ZNF749: variants seen among roughly 807,000 people sequenced by gnomAD.
ZNF749 encodes the protein zinc finger protein 749.
Under a neutral mutation model 7.3 loss-of-function variants are expected in ZNF749, and 8 were observed. That is an observed-to-expected ratio of 1.10 (90% CI 0.64 to 1.98). The LOEUF (loss-of-function observed/expected upper bound fraction) is 1.98, where lower values mean the gene tolerates loss of function less well. ZNF749 is among the 30% of genes most tolerant of loss of function. The pLI, the probability that ZNF749 is intolerant of heterozygous loss-of-function variation, is 0.00. For missense variants in ZNF749, 898 were observed against 932.4 expected (o/e 0.96, Z 0.48); for synonymous variants, 310 against 322.4 (o/e 0.96, Z 0.41).
At position 57,435,499 on chromosome 19, in the gene ZNF749, C is replaced by T. The variant is rs2088925171; in HGVS notation, c.-80C>T. The T allele has an allele frequency of 1.3e-6, 2 of 1,546,466 alleles. No individual in the cohort carries two copies. Among genetic ancestry groups the T allele is most frequent in the African/African-American group, 1.4e-5 (1 of 73,118 alleles). ...GCGGATCGGCTGAGTCGGCTGCAGG[C>T]GCCCCTGCCTCCGTCAGCGTCCAGG... On this transcript the variant is annotated 5_prime_UTR_variant, in exon 1 of 3. Coordinates refer to ENST00000334181, the MANE Select transcript of ZNF749 (RefSeq NM_001023561.4).
At position 57,444,081 on chromosome 19, in the gene ZNF749, T is replaced by C; in HGVS notation, c.933T>C (p.Ala311=). Reference sequence around the variant, plus strand: ...GTGGGAAGGCCTTTCTTACACAGGCTCATCTGGTTGGTCACCAGAAAACCC... The same window carrying C: ...GTGGGAAGGCCTTTCTTACACAGGCCCATCTGGTTGGTCACCAGAAAACCC... The part of the protein sequence containing the change: ...TQCGKAFLTQ[A]HLVGHQKTHT... Residue 311 remains alanine (A), a synonymous_variant, in exon 3 of 3, where the codon GCT becomes GCC. Coordinates refer to ENST00000334181, the MANE Select transcript of ZNF749 (RefSeq NM_001023561.4). The C allele has an allele frequency of 6.2e-7, 1 of 1,614,032 alleles. No individual in the cohort carries two copies. The highest frequency in any genetic ancestry group is 1.3e-5 in the African/African-American group (1 of 75,020).
chr19:57,435,806 C>G, intron 1 of ZNF749: 4 of 1,013,706 alleles, frequency 3.9e-6, no homozygotes, highest in Non-Finnish European at 4.2e-6. Flanking sequence ...GAACGGGCGG[C>G]ACTGGGGAGC....
Position 57,435,467 on chromosome 19 carries a change from C to A in ZNF749, c.-112C>A. The stretch of plus-strand genomic sequence containing the variant: ...AAGCGGTGTTCCTTCTACACAGAGG[C>A]TAGAGTGCGGATCGGCTGAGTCGGC... On this transcript the variant is annotated 5_prime_UTR_variant, in exon 1 of 3. Coordinates refer to ENST00000334181, the MANE Select transcript of ZNF749 (RefSeq NM_001023561.4). 6.8e-7 allele frequency: 1 copy of A among 1,472,396 alleles called. No individual in the cohort carries two copies. The allele number at this position is 1,472,396 out of a possible 1,614,324, so 91.2% of individuals were successfully genotyped here.
rs1352311438 is a variant in ZNF749 at position 57,439,787 on chromosome 19, A to G, written c.16-2098A>G. The stretch of plus-strand genomic sequence containing the variant: ...AATCCAAGCCAAAACAAAAACAAAA[A>G]TACACAAAAAATGTTTCAGAGACTT... On this transcript the variant is annotated intron_variant, in intron 1 of 2. Coordinates refer to ENST00000334181, the MANE Select transcript of ZNF749 (RefSeq NM_001023561.4). This position sits in a 1 kb window ranked among gnomAD's most constrained non-coding sequence, Gnocchi z 4.3. Among the ~76,000 whole-genome samples the G allele has an allele frequency of 6.6e-6, 1 of 152,196 alleles. No homozygotes were observed. Among genetic ancestry groups the G allele is most frequent in the East Asian group, 1.9e-4 (1 of 5,196 alleles).
At chr19:57,441,751 A>C in intron 1 of ZNF749, 134 bp from the exon 2 acceptor site, 1 of 1,041,484 alleles carries the variant, frequency 9.6e-7, no homozygotes, top group Non-Finnish European at 1.5e-6. Context: ...TGGGATCTGG[A>C]TCGCAAGGGA....
upstream of ZNF749, among the ~76,000 whole-genome samples, chr19:57,432,076 G>C (rs1051746528): frequency 6.6e-6 from 1 of 151,892 alleles, no homozygotes; most frequent in Non-Finnish European, 1.5e-5. Flanking sequence ...CAGGTGATCT[G>C]CCTGCCTCGG....
At position 57,443,281 on chromosome 19, in the gene ZNF749, G is replaced by C; in HGVS notation, c.143-10G>C. ...TCACGTGCACTTCACCAGCATTTCT[G>C]TTCTTACAGGTTGTTGGCATGGAGC... is the stretch of plus-strand genomic sequence containing the variant. On this transcript the variant is annotated splice_polypyrimidine_tract_variant and intron_variant, in intron 2 of 2. Coordinates refer to ENST00000334181, the MANE Select transcript of ZNF749 (RefSeq NM_001023561.4). The C allele has an allele frequency of 1.3e-6, 2 of 1,584,648 alleles. No individual in the cohort carries two copies. Among genetic ancestry groups the C allele is most frequent in the East Asian group, 2.2e-5 (1 of 44,608 alleles).
At chr19:57,435,686 TAA>T (rs1332377650) in intron 1 of ZNF749, 93 bp downstream of exon 1, 81 of 1,524,716 alleles carry the variant, frequency 5.3e-5, no homozygotes, top group Non-Finnish European at 6.9e-5. Flanking sequence ...CTTGTGTCTC[TAA>T]GAGAGGGGCG....
upstream of ZNF749, among the ~76,000 whole-genome samples, chr19:57,432,584 A>AAAAGG (rs1157181440): frequency 8.6e-6 from 1 of 116,580 alleles, no homozygotes; most frequent in African/African-American, 3.2e-5. Flanking sequence ...AAAAAAAAAA[A>AAAAGG]GGTGGGGGGG....
upstream of ZNF749, among the ~76,000 whole-genome samples, chr19:57,433,512 T>A (rs1186580321): frequency 1.3e-5 from 2 of 152,218 alleles, no homozygotes; most frequent in Non-Finnish European, 2.9e-5. Flanking sequence ...GGATTTCTTA[T>A]TTTTAACTGG....
rs2089066331 is a variant in ZNF749 at position 57,446,431 on chromosome 19, T to C, written c.*946T>C. Among the ~76,000 whole-genome samples, 1 of 152,184 alleles carries C rather than the reference T, an allele frequency of 6.6e-6. No individual in the cohort carries two copies. The highest frequency in any genetic ancestry group is 1.5e-5 in the Non-Finnish European group (1 of 68,044). ...GGACCGCTGCTTTAAACTACTCCTCTTCCTCATTCCCTACGCCAACCAGCC... is the reference window on the plus strand; with the variant it reads ...GGACCGCTGCTTTAAACTACTCCTCCTCCTCATTCCCTACGCCAACCAGCC... On this transcript the variant is annotated 3_prime_UTR_variant, in exon 3 of 3. Transcript: ENST00000334181.
Position 57,444,069 on chromosome 19 carries a change from T to A in ZNF749, c.921T>A (p.Phe307Leu). The change falls in exon 3 of 3, where the codon TTT (phenylalanine) becomes TTA (leucine). Residue 307 changes from phenylalanine to leucine, a missense_variant. Phe to Leu is a conservative substitution (Grantham distance 22, BLOSUM62 0). Transcript: ENST00000334181. ...AATGCACCCAGTGTGGGAAGGCCTT[T>A]CTTACACAGGCTCATCTGGTTGGTC... ...PYECTQCGKAFLTQAHLVGHQ... is the reference protein window; with the variant it reads ...PYECTQCGKALLTQAHLVGHQ... 1 of 1,613,894 alleles carries A rather than the reference T, an allele frequency of 6.2e-7. No individual in the cohort carries two copies. Among genetic ancestry groups the A allele is most frequent in the Admixed American group, 1.7e-5 (1 of 59,998 alleles).
intron 1 of ZNF749, among the ~76,000 whole-genome samples, chr19:57,438,833 G>A (rs1221157459): frequency 1.3e-5 from 2 of 152,180 alleles, no homozygotes; most frequent in Non-Finnish European, 2.9e-5. Flanking sequence ...TCCTAGTTCC[G>A]ACAACTGATG....
At chr19:57,431,038 CAAA>C (rs34687490), upstream of ZNF749, among the ~76,000 whole-genome samples, 4 of 93,768 alleles carry the variant, frequency 4.3e-5, no homozygotes, top group African/African-American at 4.6e-5. Flanking sequence ...GACTCTGTCT[CAAA>C]AAAAAAAAAA....
In ZNF749 at chr19:57,446,191, A is replaced by C. The variant is rs1189840956; in HGVS notation, c.*706A>C. 6.6e-6 allele frequency among the ~76,000 whole-genome samples: 1 copy of C among 152,230 alleles called. No homozygotes were observed. The highest frequency in any genetic ancestry group is 1.5e-5 in the Non-Finnish European group (1 of 68,042). On this transcript the variant is annotated 3_prime_UTR_variant, in exon 3 of 3. Transcript: ENST00000334181. ...CACTACCTGAGCTTCACCTCCTGTCAGATGAGCAGCATTAGATTCTCATAG... is the reference window on the plus strand; with the variant it reads ...CACTACCTGAGCTTCACCTCCTGTCCGATGAGCAGCATTAGATTCTCATAG...
At position 57,445,706 on chromosome 19, in the gene ZNF749, A is replaced by G. The variant is rs1177584305; in HGVS notation, c.*221A>G. 1 of 306,604 alleles carries G rather than the reference A, an allele frequency of 3.3e-6. No individual in the cohort carries two copies. Among genetic ancestry groups the G allele is most frequent in the Non-Finnish European group, 4.8e-6 (1 of 209,600 alleles). The allele number at this position is 306,604 out of a possible 1,614,324, so 19.0% of individuals were successfully genotyped here. On this transcript the variant is annotated 3_prime_UTR_variant, in exon 3 of 3. Transcript: ENST00000334181. ...CACTTTGGGAGGCAGAGGTGGGTGG[A>G]TCACCTGAGGTCAGGAGTTTGAGAC... is the stretch of plus-strand genomic sequence containing the variant.
At position 57,441,937 on chromosome 19, in the gene ZNF749, G is replaced by T. The variant is rs1192954626; in HGVS notation, c.68G>T (p.Gly23Val). The change falls in exon 2 of 3, where the codon GGG becomes GTG. Residue 23 changes from glycine to valine, a missense_variant. By Grantham distance (109) the Gly-to-Val change is moderately radical. Coordinates refer to ENST00000334181, the MANE Select transcript of ZNF749 (RefSeq NM_001023561.4). The stretch of plus-strand genomic sequence containing the variant: ...ATATATTTCTCCCAAGAGGAATGGG[G>T]GATCCTTAATGATGCTCAGAGACAC... ...VAIYFSQEEW[G>V]ILNDAQRHLH... is the part of the protein sequence containing the mutation. 2 of 1,613,980 alleles carry T rather than the reference G, an allele frequency of 1.2e-6. No individual in the cohort carries two copies. Among genetic ancestry groups the T allele is most frequent in the African/African-American group, 2.7e-5 (2 of 74,896 alleles).
At chr19:57,438,204 A>G (rs545463744) in intron 1 of ZNF749, 1 of 397,996 alleles carries the variant, frequency 2.5e-6, no homozygotes, top group Non-Finnish European at 4.4e-6. Flanking sequence ...CAAACTGACA[A>G]ACTGCGTCTG....
At chr19:57,437,063 A>C (rs1568543634) in intron 1 of ZNF749, among the ~76,000 whole-genome samples, 1 of 152,154 alleles carries the variant, frequency 6.6e-6, no homozygotes, top group East Asian at 1.9e-4. Context: ...AAATAAGATA[A>C]GTTTTTATTG....
Sources: allele counts gnomAD v4.1 joint callset (sites outside exome capture counted in the v4.1 genomes callset), GRCh38; gene constraint gnomAD v4.1.1; non-coding constraint Gnocchi (gnomAD v3.1); transcripts MANE v1.5; gene names NCBI Gene and HGNC (gene_info 2026-07-23, HGNC 2026-07-21).